MICU3: variants seen among roughly 807,000 people sequenced by gnomAD.
MICU3 encodes the protein calcium uptake protein 3, mitochondrial.
MICU3 carries 62 observed loss-of-function variants against 66.5 expected under a neutral mutation model. The ratio of observed to expected loss-of-function variants is 0.93; its 90% CI spans 0.76 to 1.15. The LOEUF (loss-of-function observed/expected upper bound fraction) is 1.15, where lower values mean the gene tolerates loss of function less well. Ranked by LOEUF, MICU3 falls within the 50% of genes most tolerant of loss-of-function variation. MICU3 has a pLI of 0.00. For synonymous variants in MICU3, 308 were observed against 240.7 expected, an observed-to-expected ratio of 1.28 and a Z score of -2.59; for missense variants, 779 against 664.4, an observed-to-expected ratio of 1.17 and a Z score of -1.90.
downstream of MICU3, among the ~76,000 whole-genome samples, chr8:17,126,831 G>C (rs1213775567): frequency 1.3e-5 from 2 of 152,124 alleles, no homozygotes; most frequent in South Asian, 2.1e-4. Flanking sequence ...TGGATGGTAG[G>C]ACTGCAGAAG....
intron 1 of MICU3, among the ~76,000 whole-genome samples, chr8:17,031,262 TTTATTATTATTA>T (rs60712856): frequency 7.9e-5 from 11 of 139,194 alleles, no homozygotes; most frequent in South Asian, 4.7e-4. Flanking sequence ...TGCCACTTCA[TTTATTATTATTA>T]TTATTATTAT....
At chr8:17,038,131 G>A (rs1813374159) in intron 1 of MICU3, among the ~76,000 whole-genome samples, 1 of 152,128 alleles carries the variant, frequency 6.6e-6, no homozygotes. Flanking sequence ...AAGACTTTGG[G>A]GGACTGTTGG....
At position 17,035,078 on chromosome 8, in the gene MICU3, G is replaced by A. The variant is rs56951357; in HGVS notation, c.381+7418G>A. ...CTCACAAGATCTGATGTTTTATAAA[G>A]GGGAGTACCCCTGCACATACTGTCT... On this transcript the variant is annotated intron_variant, in intron 1 of 14. Coordinates refer to ENST00000318063, the MANE Select transcript of MICU3 (RefSeq NM_181723.3). Among the ~76,000 whole-genome samples the A allele has an allele frequency of 0.02, 3,043 of 152,242 alleles. 158 individuals carry two copies. The East Asian group carries it at 0.22, about 11-fold the overall frequency.
chr8:17,038,005 T>C (rs1244368789), intron 1 of MICU3, among the ~76,000 whole-genome samples: 1 of 152,212 alleles, frequency 6.6e-6, no homozygotes, highest in Admixed American at 6.5e-5. Flanking sequence ...ACCCCCTTTG[T>C]ATCTAGGAAG....
chr8:17,123,842 G>A (rs972965279), downstream of MICU3, among the ~76,000 whole-genome samples: 1 of 151,372 alleles, frequency 6.6e-6, no homozygotes, highest in Non-Finnish European at 1.5e-5. Context: ...GAAAGAATGT[G>A]TACTGTACTA....
chr8:17,043,409 C>T (rs948592537), intron 1 of MICU3, among the ~76,000 whole-genome samples: 11 of 152,172 alleles, frequency 7.2e-5, no homozygotes, highest in Non-Finnish European at 1.3e-4. Flanking sequence ...TAAGAGGTTA[C>T]TTGTAATTGT....
At chr8:17,126,974 T>A (rs1441488957), downstream of MICU3, among the ~76,000 whole-genome samples, 1 of 152,168 alleles carries the variant, frequency 6.6e-6, no homozygotes, top group African/African-American at 2.4e-5. Context: ...TGATTATTAA[T>A]CTAATTCAGT....
At chr8:17,033,214 A>G (rs1171633128) in intron 1 of MICU3, among the ~76,000 whole-genome samples, 3 of 152,230 alleles carry the variant, frequency 2.0e-5, no homozygotes, top group East Asian at 1.9e-4. Context: ...GAAATACTAC[A>G]TAAGCCAAAA....
chr8:17,116,046 A>G (rs1028991720), intron 12 of MICU3, among the ~76,000 whole-genome samples: 2 of 152,184 alleles, frequency 1.3e-5, no homozygotes, highest in East Asian at 1.9e-4. Context: ...GTGATCACTC[A>G]TCTCCAGATT....
In MICU3 at chr8:17,075,052, C is replaced by T. The variant is rs537573107; in HGVS notation, c.568-2731C>T. ...TGATTTGCTATAATGAATCATAGAA[C>T]TCAGAAAATGCAGTACCTATGGTTA... On this transcript the variant is annotated intron_variant, in intron 3 of 14. Transcript: ENST00000318063. Among the ~76,000 whole-genome samples the T allele has an allele frequency of 2.6e-5, 4 of 152,146 alleles. No homozygotes were observed. The South Asian group carries it at 8.3e-4, about 32-fold the overall frequency.
chr8:17,108,631 G>A (rs568724100), intron 11 of MICU3, among the ~76,000 whole-genome samples: 2 of 152,160 alleles, frequency 1.3e-5, no homozygotes, highest in Non-Finnish European at 2.9e-5. Flanking sequence ...ACCACTCCTA[G>A]CCACCTCCAC....
intron 4 of MICU3, among the ~76,000 whole-genome samples, chr8:17,080,486 G>C (rs999597254): frequency 6.6e-6 from 1 of 152,072 alleles, no homozygotes; most frequent in East Asian, 1.9e-4. Flanking sequence ...AGTGAGATGG[G>C]ATTATGGAGA....
chr8:17,077,760 C>T (rs1165388421), intron 3 of MICU3, 23 bp from the exon 4 acceptor site: 44 of 1,532,490 alleles, frequency 2.9e-5, no homozygotes, highest in Non-Finnish European at 3.9e-5. Context: ...ACCAATTCAT[C>T]AGTAGTATAA....
intron 1 of MICU3, among the ~76,000 whole-genome samples, chr8:17,047,482 C>T (rs915436312): frequency 6.6e-5 from 10 of 152,096 alleles, no homozygotes; most frequent in Admixed American, 2.6e-4. Flanking sequence ...CAGGAAGGAA[C>T]AAAGACATTA....
the MICU3 span, among the ~76,000 whole-genome samples, chr8:17,136,836 C>T: frequency 3.3e-5 from 5 of 150,672 alleles, no homozygotes; most frequent in South Asian, 2.1e-4. Flanking sequence ...GGGAGATAAA[C>T]CTTTTTTTTT....
intron 10 of MICU3, among the ~76,000 whole-genome samples, 199 bp downstream of exon 10, chr8:17,104,690 AT>A (rs1170921821): frequency 6.6e-6 from 1 of 151,740 alleles, no homozygotes; most frequent in East Asian, 1.9e-4. Context: ...AAGTTACTGA[AT>A]TTTTTTAAAA....
At chr8:17,031,551 G>A (rs1812072832) in intron 1 of MICU3, among the ~76,000 whole-genome samples, 1 of 151,848 alleles carries the variant, frequency 6.6e-6, no homozygotes, top group African/African-American at 2.4e-5. Context: ...CTTGCAAAGT[G>A]CTGGGAATAC....
At chr8:17,129,209 A>G in the MICU3 span, among the ~76,000 whole-genome samples, 3 of 152,200 alleles carry the variant, frequency 2.0e-5, no homozygotes, top group South Asian at 2.1e-4. Flanking sequence ...GAAGACAGCA[A>G]ATTCCTACTG....
chr8:17,032,742 A>C (rs746150537), intron 1 of MICU3, among the ~76,000 whole-genome samples: 32 of 152,324 alleles, frequency 2.1e-4, no homozygotes, highest in Middle Eastern at 6.8e-3. Context: ...TGCTTCACAG[A>C]TACTGCATTT....
Sources: allele counts gnomAD v4.1 joint callset (sites outside exome capture counted in the v4.1 genomes callset), GRCh38; gene constraint gnomAD v4.1.1; transcripts MANE v1.5; gene names NCBI Gene and HGNC (gene_info 2026-07-23, HGNC 2026-07-21).